The following PIBF1 variants were observed in gnomAD, a reference collection of about 807,000 sequenced individuals.
PIBF1 encodes the protein progesterone-induced-blocking factor 1.
PIBF1 carries 90 observed loss-of-function variants against 112.5 expected under a neutral mutation model. The observed-to-expected ratio is 0.80, with a 90% CI of 0.67 to 0.95. The LOEUF is 0.95. Among genes scored for constraint, PIBF1 ranks in the 40% least tolerant of loss-of-function variants. The pLI is 0.00. For synonymous variants in PIBF1, 301 were observed against 288.6 expected, an observed-to-expected ratio of 1.04 and a Z score of -0.44; for missense variants, 915 against 852.3, an observed-to-expected ratio of 1.07 and a Z score of -0.92.
intron 11 of PIBF1, among the ~76,000 whole-genome samples, chr13:72,908,102 A>G (rs753449027): frequency 1.6e-4 from 24 of 152,196 alleles, no homozygotes; most frequent in Non-Finnish European, 2.5e-4. Flanking sequence ...GGGTAATTCA[A>G]TAAGCTCTGA....
chr13:72,865,153 T>G lies in PIBF1; in HGVS notation c.1322+10998T>G, dbSNP rs532831184. 2.0e-5 allele frequency among the ~76,000 whole-genome samples: 3 copies of G among 152,302 alleles called. No homozygotes were observed. The South Asian group carries it at 6.2e-4, about 32-fold the overall frequency. ...GTGAGGTCCTTTTATGGATAGAAGA[T>G]ACTTTAGAGAAGAGAATATATGATG... On this transcript the variant is annotated intron_variant, in intron 10 of 17. Coordinates refer to ENST00000326291, the MANE Select transcript of PIBF1 (RefSeq NM_006346.4).
intron 10 of PIBF1, among the ~76,000 whole-genome samples, chr13:72,856,896 T>C (rs1179649608): frequency 6.6e-6 from 1 of 152,190 alleles, no homozygotes; most frequent in Non-Finnish European, 1.5e-5. Context: ...TTCACAATTA[T>C]TATGCCCATT....
At chr13:72,830,715 G>C (rs1261599365) in intron 8 of PIBF1, among the ~76,000 whole-genome samples, 1 of 152,080 alleles carries the variant, frequency 6.6e-6, no homozygotes, top group African/African-American at 2.4e-5. Flanking sequence ...TGTTCATCAG[G>C]GATATTGGCC....
At chr13:72,889,912 A>G (rs1056826440) in intron 10 of PIBF1, among the ~76,000 whole-genome samples, 18 of 152,210 alleles carry the variant, frequency 1.2e-4, no homozygotes, top group Admixed American at 9.2e-4. Flanking sequence ...AATACAAGCC[A>G]TGAACATTTT....
intron 10 of PIBF1, among the ~76,000 whole-genome samples, chr13:72,886,698 A>G (rs1242691789): frequency 6.6e-6 from 1 of 152,054 alleles, no homozygotes; most frequent in Non-Finnish European, 1.5e-5. Context: ...CATGCTTGAA[A>G]TTCTTATAAA....
chr13:73,011,614 A>T (rs2044206108), intron 17 of PIBF1, among the ~76,000 whole-genome samples: 1 of 152,094 alleles, frequency 6.6e-6, no homozygotes, highest in African/African-American at 2.4e-5. Flanking sequence ...AAGAAGGGAA[A>T]AAAAACTGAG....
chr13:72,836,196 A>C (rs1238084318), intron 9 of PIBF1: 1 of 416,502 alleles, frequency 2.4e-6, no homozygotes, highest in Non-Finnish European at 4.8e-6. Flanking sequence ...GGCAGAATTC[A>C]GGGAAAATAA....
At chr13:72,914,192 A>G (rs946045128) in intron 12 of PIBF1, among the ~76,000 whole-genome samples, 1 of 152,204 alleles carries the variant, frequency 6.6e-6, no homozygotes, top group Non-Finnish European at 1.5e-5. Flanking sequence ...TTTAGCCGAC[A>G]TGAAGGTGAT....
chr13:72,898,295 C>G (rs2040354893), intron 11 of PIBF1, among the ~76,000 whole-genome samples: 1 of 152,014 alleles, frequency 6.6e-6, no homozygotes, highest in Non-Finnish European at 1.5e-5. Context: ...ACCCAAACCT[C>G]TGGAATACAG....
At chr13:72,940,615 A>G (rs970343226) in intron 14 of PIBF1, among the ~76,000 whole-genome samples, 6 of 151,932 alleles carry the variant, frequency 3.9e-5, no homozygotes, top group African/African-American at 9.7e-5. Flanking sequence ...TTGTATTCCT[A>G]TATGTTTTTG....
intron 9 of PIBF1, among the ~76,000 whole-genome samples, chr13:72,844,050 T>C (rs1412069314): frequency 6.6e-6 from 1 of 152,246 alleles, no homozygotes; most frequent in Admixed American, 6.5e-5. Context: ...ATTTATTGAG[T>C]ACCTATTATG....
At chr13:73,006,938 A>C (rs2044049382) in intron 17 of PIBF1, among the ~76,000 whole-genome samples, 1 of 152,014 alleles carries the variant, frequency 6.6e-6, no homozygotes. Flanking sequence ...TAAATCTGGA[A>C]TATAGTATAC....
At chr13:72,801,941 T>C (rs973318334) in intron 5 of PIBF1, among the ~76,000 whole-genome samples, 1 of 152,216 alleles carries the variant, frequency 6.6e-6, no homozygotes, top group East Asian at 1.9e-4. Context: ...GTAAACAAAT[T>C]ATGTAAAACT....
intron 17 of PIBF1, among the ~76,000 whole-genome samples, chr13:73,002,008 TC>T (rs2043885378): frequency 6.6e-6 from 1 of 152,130 alleles, no homozygotes; most frequent in Admixed American, 6.5e-5. Flanking sequence ...ACCTCAAAAT[TC>T]CCTTTTTTAG....
At chr13:72,856,850 C>T (rs114602826) in intron 10 of PIBF1, among the ~76,000 whole-genome samples, 3,328 of 152,160 alleles carry the variant, frequency 0.022, 134 homozygotes, top group African/African-American at 0.076. Context: ...TTTCAAATGA[C>T]TTTGAAACTT....
chr13:72,949,385 G>A (rs1473993421), intron 14 of PIBF1, among the ~76,000 whole-genome samples: 2 of 125,550 alleles, frequency 1.6e-5, no homozygotes, highest in Non-Finnish European at 3.1e-5. Flanking sequence ...GCACAATCTC[G>A]GCTCACTGCA....
At chr13:73,013,750 A>AG (rs1312928653) in intron 17 of PIBF1, among the ~76,000 whole-genome samples, 2 of 143,786 alleles carry the variant, frequency 1.4e-5, no homozygotes, top group Non-Finnish European at 3.1e-5. Context: ...AAAAAAAAAA[A>AG]AAAGAAAAAG....
rs547333784 is a variant in PIBF1 at position 72,834,971 on chromosome 13, A to G, written c.1098-272A>G. Among the ~76,000 whole-genome samples the G allele has an allele frequency of 2.3e-3, 358 of 152,350 alleles. 3 individuals are homozygous for G. The highest frequency in any genetic ancestry group is 3.7e-3 in the Non-Finnish European group (255 of 68,036). On this transcript the variant is annotated intron_variant, in intron 8 of 17. Coordinates refer to ENST00000326291, the MANE Select transcript of PIBF1 (RefSeq NM_006346.4). ...AAAACTACTAGAAAAGTGTTTTGGA[A>G]GATGAATAATTATCCCACATGAATT... is the stretch of plus-strand genomic sequence containing the variant.
At chr13:72,833,867 G>A (rs999776755) in intron 8 of PIBF1, among the ~76,000 whole-genome samples, 3 of 152,178 alleles carry the variant, frequency 2.0e-5, no homozygotes, top group Non-Finnish European at 4.4e-5. Flanking sequence ...CTTTCCCCAG[G>A]TGCTCTGTCC....
Sources: allele counts gnomAD v4.1 joint callset (sites outside exome capture counted in the v4.1 genomes callset), GRCh38; gene constraint gnomAD v4.1.1; transcripts MANE v1.5; gene names NCBI Gene and HGNC (gene_info 2026-07-23, HGNC 2026-07-21).